KALRN: variants seen among roughly 807,000 people sequenced by gnomAD.
The protein encoded by KALRN is kalirin.
KALRN carries 70 observed loss-of-function variants against 353.7 expected under a neutral mutation model. That is an observed-to-expected ratio of 0.20 (90% CI 0.16 to 0.24). The LOEUF is 0.24. Ranked by LOEUF, KALRN falls within the 10% of genes least tolerant of loss-of-function variation. KALRN has a pLI of 1.00. For missense variants in KALRN, 2,791 were observed against 3,756.7 expected (o/e 0.74, Z 6.72); for synonymous variants, 1,391 against 1,434.8 (o/e 0.97, Z 0.69).
intron 1 of KALRN, among the ~76,000 whole-genome samples, chr3:124,211,820 C>G (rs189801229): frequency 3.9e-5 from 6 of 152,150 alleles, no homozygotes; most frequent in African/African-American, 1.4e-4. Context: ...CTACTTGCTT[C>G]CCCTTCTGTG....
chr3:124,036,807 T>C (rs2039469063), intron 1 of KALRN, among the ~76,000 whole-genome samples: 1 of 152,250 alleles, frequency 6.6e-6, no homozygotes, highest in African/African-American at 2.4e-5. Context: ...TAATTAGGCA[T>C]GTTTCAAATT....
At chr3:124,092,699 A>C (rs2149372066) in intron 1 of KALRN, among the ~76,000 whole-genome samples, 1 of 152,384 alleles carries the variant, frequency 6.6e-6, no homozygotes, top group South Asian at 2.1e-4. Context: ...GGGAGGAGAC[A>C]GATGGGCACC....
intron 58 of KALRN, among the ~76,000 whole-genome samples, chr3:124,715,473 G>T (rs907729413): frequency 1.4e-4 from 21 of 152,174 alleles, no homozygotes; most frequent in African/African-American, 4.8e-4. Flanking sequence ...GAGCAGTGCT[G>T]CTGTTAATTG....
intron 27 of KALRN, among the ~76,000 whole-genome samples, chr3:124,482,332 T>C (rs1252614007): frequency 6.6e-6 from 1 of 152,150 alleles, no homozygotes; most frequent in Non-Finnish European, 1.5e-5. Context: ...AAAGGAGATA[T>C]ATCCTTGTGC....
At chr3:124,119,226 G>C (rs1016000459) in intron 1 of KALRN, among the ~76,000 whole-genome samples, 1 of 152,206 alleles carries the variant, frequency 6.6e-6, no homozygotes, top group Non-Finnish European at 1.5e-5. Flanking sequence ...CTGTTGCACA[G>C]ATGTGGTGCA....
At chr3:124,405,716 T>C (rs1176838328) in intron 13 of KALRN, among the ~76,000 whole-genome samples, 1 of 141,816 alleles carries the variant, frequency 7.1e-6, no homozygotes, top group Non-Finnish European at 1.5e-5. Context: ...CAATCTTGGC[T>C]CACTGCAAGC....
At chr3:124,646,377 G>GGATCTTTT (rs373937976) in intron 37 of KALRN, among the ~76,000 whole-genome samples, 3 of 124,312 alleles carry the variant, frequency 2.4e-5, no homozygotes, top group African/African-American at 8.9e-5. Context: ...ACTGCTAGAG[G>GGATCTTTT]GATCTTTTGT....
At chr3:124,492,151 T>A (rs916251885) in intron 31 of KALRN, among the ~76,000 whole-genome samples, 2 of 152,214 alleles carry the variant, frequency 1.3e-5, no homozygotes, top group East Asian at 3.8e-4. Context: ...CACTCTGAAC[T>A]GCCAGCATAG....
At chr3:124,578,266 A>C (rs751309970) in intron 34 of KALRN, among the ~76,000 whole-genome samples, 50 of 152,232 alleles carry the variant, frequency 3.3e-4, no homozygotes, top group Admixed American at 7.2e-4. Context: ...AAAGAATCTT[A>C]GATGTTTAGG....
chr3:124,696,188 G>T lies in KALRN; in HGVS notation c.7632G>T (p.Gly2544=). Residue 2544 remains glycine (G), a synonymous_variant, in exon 54 of 60, where the codon GGG becomes GGT. Coordinates refer to ENST00000682506, the MANE Select transcript of KALRN (RefSeq NM_001388419.1). ...KICNLMPQDS[G]IYTCIATNDH... ...GTAATCTGATGCCCCAAGACAGTGG[G>T]ATTTATACCTGCATAGCAACAAATG... is the stretch of plus-strand genomic sequence containing the variant. 1 of 1,613,932 alleles carries T rather than the reference G, an allele frequency of 6.2e-7. No individual in the cohort carries two copies. The highest frequency in any genetic ancestry group is 8.5e-7 in the Non-Finnish European group (1 of 1,179,800).
chr3:124,557,567 CTG>C (rs2071422322), intron 33 of KALRN, among the ~76,000 whole-genome samples: 2 of 152,192 alleles, frequency 1.3e-5, no homozygotes, highest in African/African-American at 4.8e-5. Flanking sequence ...GCCCTTGAAA[CTG>C]TGCCAAGTAG....
intron 5 of KALRN, among the ~76,000 whole-genome samples, chr3:124,278,405 G>A (rs923151814): frequency 6.6e-6 from 1 of 151,686 alleles, no homozygotes; most frequent in Admixed American, 6.6e-5. Flanking sequence ...GCCCCAGTAG[G>A]GGAAACAGGG....
chr3:124,519,539 T>C (rs1458611413), intron 33 of KALRN: 2 of 985,298 alleles, frequency 2.0e-6, no homozygotes, highest in South Asian at 4.7e-5. Flanking sequence ...GTTGGGCTTA[T>C]TTCCCTGGCT....
chr3:124,329,929 C>T lies in KALRN; in HGVS notation c.1353C>T (p.Asp451=), dbSNP rs772953649. 14 of 1,613,732 alleles carry T rather than the reference C, an allele frequency of 8.7e-6. No homozygotes were observed. Among genetic ancestry groups the T allele is most frequent in the Middle Eastern group, 1.6e-4 (1 of 6,084 alleles). Residue 451 remains aspartate (D), a synonymous_variant, in exon 8 of 60, where the codon GAC becomes GAT. Transcript: ENST00000682506. ...GTGGTCTGCCATCCGAGATGCAAGA[C>T]CTAGAGCTGGCAATCCACCACCACC... ...SEGGLPSEMQ[D]LELAIHHHQT...
intron 5 of KALRN, among the ~76,000 whole-genome samples, chr3:124,289,074 A>G (rs1560472162): frequency 1.3e-5 from 2 of 152,176 alleles, no homozygotes; most frequent in South Asian, 2.1e-4. Flanking sequence ...GTGAGGATCT[A>G]CTTGCTGCAT....
intron 1 of KALRN, chr3:124,163,631 A>T: frequency 2.0e-6 from 2 of 984,778 alleles, no homozygotes; most frequent in Non-Finnish European, 2.4e-6. Flanking sequence ...ATCTGCATAA[A>T]GAAGAAAGAA....
In KALRN at chr3:124,399,200, G is replaced by A. The variant is rs187671782; in HGVS notation, c.2346+329G>A. Among the ~76,000 whole-genome samples, 14 of 152,196 alleles carry A rather than the reference G, an allele frequency of 9.2e-5. No homozygotes were observed. The East Asian group carries it at 9.7e-4, about 10-fold the overall frequency. On this transcript the variant is annotated intron_variant, in intron 13 of 59. Coordinates refer to ENST00000682506, the MANE Select transcript of KALRN (RefSeq NM_001388419.1). ...GTTGCCCAGGCTGAAGTGCATTGGC[G>A]CGATCTGGGCTCACTGCAAGCTCCA...
At chr3:124,472,479 C>T (rs907772065) in intron 25 of KALRN, among the ~76,000 whole-genome samples, 3 of 152,112 alleles carry the variant, frequency 2.0e-5, no homozygotes, top group Non-Finnish European at 4.4e-5. Flanking sequence ...TGCTTGAGCA[C>T]AGGAGTTTGA....
intron 34 of KALRN, among the ~76,000 whole-genome samples, chr3:124,631,659 C>A (rs1475288412): frequency 2.0e-5 from 3 of 152,188 alleles, no homozygotes; most frequent in Admixed American, 1.3e-4. Context: ...CAGTGGCCTC[C>A]CAACCAGTTT....
Sources: allele counts gnomAD v4.1 joint callset (sites outside exome capture counted in the v4.1 genomes callset), GRCh38; gene constraint gnomAD v4.1.1; transcripts MANE v1.5; gene names NCBI Gene and HGNC (gene_info 2026-07-23, HGNC 2026-07-21).